The following TMIGD3 variants were observed in gnomAD, a reference collection of about 807,000 sequenced individuals.
TMIGD3 encodes AD026 protein (AD026).
TMIGD3 carries 21 observed loss-of-function variants against 28.1 expected under a neutral mutation model. The observed-to-expected ratio is 0.75, with a 90% CI of 0.53 to 1.08. The LOEUF (loss-of-function observed/expected upper bound fraction) is 1.08, where lower values mean the gene tolerates loss of function less well. Ranked by LOEUF, TMIGD3 falls within the 50% of genes least tolerant of loss-of-function variation. The probability of loss-of-function intolerance (pLI) is 0.00; values close to 1 mark genes in which losing one functional copy is unlikely to be tolerated. For missense variants in TMIGD3, 416 were observed against 435.6 expected (o/e 0.96, Z 0.40); for synonymous variants, 151 against 162.1 (o/e 0.93, Z 0.52).
intron 4 of TMIGD3, 43 bp from the exon 5 acceptor site, chr1:111,485,883 T>C (rs776647423): frequency 6.8e-7 from 1 of 1,476,094 alleles, no homozygotes; most frequent in African/African-American, 1.4e-5. Flanking sequence ...TGGAAGAAAC[T>C]GCCTATTGAT....
Position 111,503,482 on chromosome 1 carries a change from A to C in TMIGD3, c.-128T>G. 6.9e-7 allele frequency: 1 copy of C among 1,454,814 alleles called. No homozygotes were observed. Among genetic ancestry groups the C allele is most frequent in the Non-Finnish European group, 9.1e-7 (1 of 1,102,760 alleles). 90.1% of individuals were successfully genotyped at this position (1,454,814 alleles called of 1,614,324 possible). ...TGTGCAGTGACAGTCTAAAATTCCC[A>C]ACTTGCTCATTCCTACCCTTTTCTG... is the stretch of plus-strand genomic sequence containing the variant. On this transcript the variant is annotated 5_prime_UTR_variant, in exon 1 of 6. Coordinates refer to ENST00000369716, the MANE Select transcript of TMIGD3 (RefSeq NM_020683.7).
chr1:111,529,982 G>T (rs1162808733), intron 1 of TMIGD3, among the ~76,000 whole-genome samples: 1 of 107,428 alleles, frequency 9.3e-6, no homozygotes, highest in African/African-American at 3.8e-5. Context: ...GGATGGGGCG[G>T]CTGGCCGGGC....
At chr1:111,491,605 G>A (rs1654668593) in intron 1 of TMIGD3, among the ~76,000 whole-genome samples, 1 of 152,230 alleles carries the variant, frequency 6.6e-6, no homozygotes, top group Non-Finnish European at 1.5e-5. Context: ...AAGTCAGCAT[G>A]TGGGCAAGCA....
chr1:111,511,743 A>T (rs1455147194), intron 1 of TMIGD3, among the ~76,000 whole-genome samples: 2 of 150,572 alleles, frequency 1.3e-5, no homozygotes, highest in African/African-American at 4.9e-5. Context: ...CCTATGCCAC[A>T]ACTTTCGCAG....
intron 1 of TMIGD3, among the ~76,000 whole-genome samples, chr1:111,491,292 G>T (rs1247891742): frequency 6.6e-6 from 1 of 152,256 alleles, no homozygotes; most frequent in Non-Finnish European, 1.5e-5. Context: ...GTGGAAGTGT[G>T]GGTGGCCGCA....
At chr1:111,499,113 A>G (rs537300546) in intron 1 of TMIGD3, among the ~76,000 whole-genome samples, 1 of 151,956 alleles carries the variant, frequency 6.6e-6, no homozygotes, top group African/African-American at 2.4e-5. Context: ...AAAAAAAAGA[A>G]AGAAACAAAA....
chr1:111,484,018 A>G (rs1654243084), intron 5 of TMIGD3, among the ~76,000 whole-genome samples: 2 of 152,362 alleles, frequency 1.3e-5, no homozygotes, highest in South Asian at 2.1e-4. Flanking sequence ...TGTCAAAGCT[A>G]GGAGCCTTGG....
intron 1 of TMIGD3, among the ~76,000 whole-genome samples, chr1:111,549,635 G>A (rs936053346): frequency 2.0e-5 from 3 of 147,244 alleles, no homozygotes; most frequent in Non-Finnish European, 3.0e-5. Flanking sequence ...GGGCAACAGA[G>A]TGAGACTCTG....
chr1:111,502,049 A>T (rs370088543), intron 1 of TMIGD3, among the ~76,000 whole-genome samples: 1 of 92,124 alleles, frequency 1.1e-5, no homozygotes, highest in African/African-American at 3.5e-5. Flanking sequence ...TATATATTTA[A>T]TATAATAAAT....
At position 111,499,924 on chromosome 1, in the gene TMIGD3, G is replaced by C. The variant is rs751003117; in HGVS notation, c.350+3081C>G. The C allele has an allele frequency of 4.4e-6, 7 of 1,606,830 alleles. No individual in the cohort carries two copies. In the Admixed American group the frequency reaches 8.4e-5, roughly 19 times the overall value. On this transcript the variant is annotated intron_variant, in intron 1 of 5. Coordinates refer to ENST00000369716, the MANE Select transcript of TMIGD3 (RefSeq NM_020683.7). Reference sequence around the variant, plus strand: ...GTTGATGGGGAATCTGAAGGTCAATGAGACAGAGTCATCTCTGATGGATAA... The same window carrying C: ...GTTGATGGGGAATCTGAAGGTCAATCAGACAGAGTCATCTCTGATGGATAA...
At chr1:111,563,959 A>C (rs994652986) in exon 1 of TMIGD3, 1 of 1,609,416 alleles carries the variant, frequency 6.2e-7, no homozygotes, top group Non-Finnish European at 8.5e-7. Flanking sequence ...CCATTGGTCC[A>C]ACTGGTGGTC....
Position 111,488,753 on chromosome 1 carries a change from C to A in TMIGD3, c.729G>T (p.Arg243Ser). 6.2e-7 allele frequency: 1 copy of A among 1,614,210 alleles called. No individual in the cohort carries two copies. Among genetic ancestry groups the A allele is most frequent in the Non-Finnish European group, 8.5e-7 (1 of 1,180,038 alleles). Residue 243 changes from arginine to serine, a missense_variant, in exon 3 of 6, where the codon AGG becomes AGT. By Grantham distance (110) the Arg-to-Ser change is moderately radical (BLOSUM62 -1). Coordinates refer to ENST00000369716, the MANE Select transcript of TMIGD3 (RefSeq NM_020683.7). ...YWCGIQRDFA[R>S]DDMDFTELIV... ...TCAGCTCTGTAAAATCCATGTCATCCCTGGCAAAGTCCCGCTGGATGCCAC... is the reference window on the plus strand; with the variant it reads ...TCAGCTCTGTAAAATCCATGTCATCACTGGCAAAGTCCCGCTGGATGCCAC...
intron 1 of TMIGD3, among the ~76,000 whole-genome samples, chr1:111,492,266 C>T (rs573981050): frequency 1.3e-5 from 2 of 152,248 alleles, no homozygotes; most frequent in African/African-American, 4.8e-5. Flanking sequence ...GAATTTCTGC[C>T]CCTTAGAAAC....
At chr1:111,525,975 G>A (rs991953145) in intron 1 of TMIGD3, among the ~76,000 whole-genome samples, 9 of 151,984 alleles carry the variant, frequency 5.9e-5, no homozygotes, top group African/African-American at 2.2e-4. Flanking sequence ...GATTTAATGT[G>A]ATTATTGATA....
intron 1 of TMIGD3, chr1:111,500,921 CTTTTTT>C (rs56907773): frequency 3.6e-6 from 1 of 280,368 alleles, no homozygotes; most frequent in East Asian, 5.7e-5. Flanking sequence ...TTTTCTTTTT[CTTTTTT>C]TTTTTAACTC....
intron 1 of TMIGD3, chr1:111,500,225 T>C: frequency 6.2e-7 from 1 of 1,614,126 alleles, no homozygotes. Flanking sequence ...GACTTAGCCG[T>C]CTTGAACTCC....
In TMIGD3 at chr1:111,483,864, G is replaced by A. The variant is rs1310646449; in HGVS notation, c.974-107C>T. On this transcript the variant is annotated intron_variant, in intron 5 of 5. Coordinates refer to ENST00000369716, the MANE Select transcript of TMIGD3 (RefSeq NM_020683.7). ...AACTCTGTCATGGGGCTTTCATGGG[G>A]ACTAAACACAAGTTTATTTTCAGGG... The A allele has an allele frequency of 3.7e-6, 3 of 813,306 alleles. No homozygotes were observed. In the South Asian group the frequency reaches 4.4e-5, roughly 12 times the overall value. The allele number at this position is 813,306 out of a possible 1,614,324, so 50.4% of individuals were successfully genotyped here.
chr1:111,500,486 C>T (rs1557822903), intron 1 of TMIGD3: 1 of 1,614,082 alleles, frequency 6.2e-7, no homozygotes, highest in East Asian at 2.2e-5. Flanking sequence ...GTCAATCCCA[C>T]CAGGAATGAC....
In TMIGD3 at chr1:111,486,568, G is replaced by A. The variant is rs371005044; in HGVS notation, c.872+18C>T. The A allele has an allele frequency of 1.1e-5, 18 of 1,580,470 alleles. No homozygotes were observed. The highest frequency in any genetic ancestry group is 1.4e-5 in the Non-Finnish European group (16 of 1,153,852). Reference sequence around the variant, plus strand: ...CCCACCGCCCCAAGCCCATTCATCCGCCAAGACTATGACTCACCTGGAGCG... The same window carrying A: ...CCCACCGCCCCAAGCCCATTCATCCACCAAGACTATGACTCACCTGGAGCG... On this transcript the variant is annotated intron_variant, in intron 4 of 5. Transcript: ENST00000369716.
Sources: gnomAD v4.1 joint callset for allele counts (sites outside exome capture counted in the v4.1 genomes callset) on GRCh38, gnomAD v4.1.1 for gene constraint, MANE v1.5 for transcripts, NCBI Gene and HGNC (gene_info 2026-07-23, HGNC 2026-07-21) for gene names.